The following HIPK1 variants were observed in gnomAD, a reference collection of about 807,000 sequenced individuals.
The protein encoded by HIPK1 is homeodomain-interacting protein kinase 1.
In HIPK1, 28 loss-of-function variants were observed where a neutral mutation model predicts 117.1. The ratio of observed to expected loss-of-function variants is 0.24; its 90% CI spans 0.18 to 0.33. The LOEUF (loss-of-function observed/expected upper bound fraction) is 0.33. Among genes scored for constraint, HIPK1 ranks in the 10% least tolerant of loss-of-function variants. The pLI is 1.00. For synonymous variants in HIPK1, 605 were observed against 562.5 expected (o/e 1.08, Z -1.07); for missense variants, 1,122 against 1,475.1 (o/e 0.76, Z 3.92).
chr1:113,951,945 C>CTTT (rs34394248), intron 2 of HIPK1, among the ~76,000 whole-genome samples: 23 of 110,676 alleles, frequency 2.1e-4, no homozygotes, highest in East Asian at 7.7e-4. Context: ...TTGACCAGGG[C>CTTT]TTTTTTTTTT....
chr1:113,929,597 C>A, intron 1 of HIPK1, 65 bp downstream of exon 1: 4 of 1,171,792 alleles, frequency 3.4e-6, no homozygotes, highest in Non-Finnish European at 3.4e-6. Context: ...GGTTGAGGGA[C>A]GGCCGCTCGG....
At position 113,953,454 on chromosome 1, in the gene HIPK1, G is replaced by A. The variant is rs554774949; in HGVS notation, c.1200+565G>A. ...GTATAATTTCCTAAGGAATTGGTCC[G>A]TTAAGGGAAAATGTTTTACTATGGA... On this transcript the variant is annotated intron_variant, in intron 3 of 15. Transcript: ENST00000426820. 9.3e-4 allele frequency among the ~76,000 whole-genome samples: 141 copies of A among 152,288 alleles called. 1 individual carries two copies. Among genetic ancestry groups the A allele is most frequent in the African/African-American group, 3.0e-3 (126 of 41,556 alleles).
At chr1:113,971,549 T>C (rs1480597474) in intron 14 of HIPK1, among the ~76,000 whole-genome samples, 1 of 152,248 alleles carries the variant, frequency 6.6e-6, no homozygotes, top group East Asian at 1.9e-4. Context: ...TGTCTTAGCA[T>C]ATTTGTATTT....
rs906421048 is a variant in HIPK1 at position 113,962,434 on chromosome 1, C to T, written c.2099C>T (p.Thr700Met). Reference protein sequence around the residue: ...QPLQIQSGVLTQGSCTPLMVA... With the variant: ...QPLQIQSGVLMQGSCTPLMVA... ...CTACAGATTCAGTCAGGAGTTCTCACGCAGGTAAAAGCTAGAGCAATGTGG... is the reference window on the plus strand; with the variant it reads ...CTACAGATTCAGTCAGGAGTTCTCATGCAGGTAAAAGCTAGAGCAATGTGG... The change falls in exon 9 of 16, where the codon ACG becomes ATG. Residue 700 changes from threonine (T) to methionine (M), a missense_variant. Around this residue, in one of 6 missense-constraint regions of HIPK1, gnomAD observed 731 missense variants for 860.4 expected, o/e 0.85. Coordinates refer to ENST00000426820, the MANE Select transcript of HIPK1 (RefSeq NM_198268.3). 5.0e-6 allele frequency: 8 copies of T among 1,613,028 alleles called. No homozygotes were observed. The highest frequency in any genetic ancestry group is 2.7e-5 in the African/African-American group (2 of 74,892).
At chr1:113,933,488 G>A (rs1042115370) in intron 1 of HIPK1, among the ~76,000 whole-genome samples, 1 of 152,118 alleles carries the variant, frequency 6.6e-6, no homozygotes, top group African/African-American at 2.4e-5. Flanking sequence ...TTTTAAGTGG[G>A]GGATAGGTAC....
intron 2 of HIPK1, among the ~76,000 whole-genome samples, chr1:113,950,189 T>C (rs768044444): frequency 6.6e-5 from 10 of 152,168 alleles, no homozygotes; most frequent in African/African-American, 9.7e-5. Flanking sequence ...AATTATATTC[T>C]CCTTGCTTAA....
intron 9 of HIPK1, 62 bp from the exon 10 acceptor site, chr1:113,963,325 T>C (rs1008755780): frequency 1.4e-5 from 22 of 1,588,884 alleles, no homozygotes; most frequent in Non-Finnish European, 1.9e-5. Flanking sequence ...ATGAGAACCC[T>C]TCTGAATCCA....
At chr1:113,929,656 C>T (rs1015108756) in intron 1 of HIPK1, 124 bp downstream of exon 1, 15 of 962,200 alleles carry the variant, frequency 1.6e-5, no homozygotes, top group Admixed American at 1.3e-4. Context: ...GAGCAAGGGG[C>T]CCGGCGGTAG....
intron 1 of HIPK1, among the ~76,000 whole-genome samples, chr1:113,933,503 T>C (rs890215327): frequency 1.3e-5 from 2 of 152,044 alleles, no homozygotes; most frequent in African/African-American, 2.4e-5. Flanking sequence ...AGGTACACTT[T>C]TTTTTTTTCA....
Position 113,954,646 on chromosome 1 carries a change from T to C in HIPK1, c.1201-5T>C. The C allele has an allele frequency of 6.2e-7, 1 of 1,613,814 alleles. No individual in the cohort carries two copies. Among genetic ancestry groups the C allele is most frequent in the Non-Finnish European group, 8.5e-7 (1 of 1,179,738 alleles). On this transcript the variant is annotated splice_polypyrimidine_tract_variant and splice_region_variant and intron_variant, in intron 3 of 15. Transcript: ENST00000426820. The stretch of plus-strand genomic sequence containing the variant: ...AATAGTTGTTTGATGGTTTTGATGT[T>C]TCAGATTCGTTATATTTCACAAACA...
chr1:113,957,924 T>G, intron 7 of HIPK1, 142 bp from the exon 8 acceptor site: 2 of 662,930 alleles, frequency 3.0e-6, no homozygotes, highest in Non-Finnish European at 5.1e-6. Flanking sequence ...GGAAGTTTCT[T>G]AAGCAGAGAG....
rs1299602817 is a variant in HIPK1 at position 113,975,653 on chromosome 1, CCA to C, written c.*2142_*2143del. 1 of 152,582 alleles carries C rather than the reference CCA, an allele frequency of 6.6e-6. No individual in the cohort carries two copies. Among genetic ancestry groups the C allele is most frequent in the African/African-American group, 2.4e-5 (1 of 41,372 alleles). 9.5% of individuals were successfully genotyped at this position (152,582 alleles called of 1,614,324 possible). The stretch of plus-strand genomic sequence containing the variant: ...GCCTGTTGTATTGCTTACCATGTCC[CCA>C]TACTATGAGGAGAAGTTTTGTGGTG... On this transcript the variant is annotated 3_prime_UTR_variant, in exon 16 of 16. Coordinates refer to ENST00000426820, the MANE Select transcript of HIPK1 (RefSeq NM_198268.3).
intron 8 of HIPK1, among the ~76,000 whole-genome samples, chr1:113,959,409 C>CG (rs1671946846): frequency 6.6e-6 from 1 of 152,182 alleles, no homozygotes; most frequent in African/African-American, 2.4e-5. Context: ...CACGTTTAGC[C>CG]TAACTTACCA....
rs549978137 is a variant in HIPK1 at position 113,929,930 on chromosome 1, C to G, written c.-3+398C>G. ...CCCCAGCTCGCGGCTGAGAACCAGA[C>G]ACACCGGCGGTGAGTGGGGACGGGC... On this transcript the variant is annotated intron_variant, in intron 1 of 15. Coordinates refer to ENST00000426820, the MANE Select transcript of HIPK1 (RefSeq NM_198268.3). 3,017 of 985,568 alleles carry G rather than the reference C, an allele frequency of 3.1e-3. 2 individuals are homozygous for G. Among genetic ancestry groups the G allele is most frequent in the Non-Finnish European group, 3.4e-3 (2,809 of 830,284 alleles). The allele number at this position is 985,568 out of a possible 1,614,324, so 61.1% of individuals were successfully genotyped here.
intron 1 of HIPK1, among the ~76,000 whole-genome samples, chr1:113,938,807 G>T (rs1450372417): frequency 6.6e-6 from 1 of 151,698 alleles, no homozygotes; most frequent in African/African-American, 2.4e-5. Flanking sequence ...CTACTTGGGA[G>T]GCTGAGGCAG....
At chr1:113,960,229 T>A (rs964826940) in intron 8 of HIPK1, among the ~76,000 whole-genome samples, 1 of 152,182 alleles carries the variant, frequency 6.6e-6, no homozygotes, top group Non-Finnish European at 1.5e-5. Context: ...GATTCTTTAT[T>A]TAAAGGACTA....
At chr1:113,971,191 C>T (rs1234205301) in intron 14 of HIPK1, among the ~76,000 whole-genome samples, 1 of 152,198 alleles carries the variant, frequency 6.6e-6, no homozygotes, top group Non-Finnish European at 1.5e-5. Context: ...CCATTGCAGA[C>T]AAGAGAGAGA....
chr1:113,970,955 A>G (rs989233467), intron 14 of HIPK1, among the ~76,000 whole-genome samples: 2 of 152,220 alleles, frequency 1.3e-5, no homozygotes, highest in African/African-American at 4.8e-5. Context: ...CCTAGATGCA[A>G]GTGAGCCCAG....
Position 113,929,336 on chromosome 1 carries a change from T to C in HIPK1, c.-199T>C, listed in dbSNP as rs1038521509. 3.1e-6 allele frequency: 4 copies of C among 1,289,306 alleles called. No homozygotes were observed. The African/African-American group carries it at 4.6e-5, about 15-fold the overall frequency. 79.9% of individuals were successfully genotyped at this position (1,289,306 alleles called of 1,614,324 possible). On this transcript the variant is annotated 5_prime_UTR_variant, in exon 1 of 16. Transcript: ENST00000426820. ...CACTAGCTGGGATGACATTTTACAG[T>C]TGGATCCCGTACCACCGCCAGGCAC...
Sources: gnomAD v4.1 joint callset for allele counts (sites outside exome capture counted in the v4.1 genomes callset) on GRCh38, gnomAD v4.1.1 for gene constraint, gnomAD v4.1.1 regional missense constraint, MANE v1.5 for transcripts, NCBI Gene and HGNC (gene_info 2026-07-23, HGNC 2026-07-21) for gene names.